SLC4A4: variants seen among roughly 807,000 people sequenced by gnomAD.
SLC4A4 encodes solute carrier family 4 member 4.
In SLC4A4, 27 loss-of-function variants were observed where a neutral mutation model predicts 111.5. The observed-to-expected ratio is 0.24, with a 90% CI of 0.18 to 0.33. SLC4A4 has a LOEUF of 0.33. Among genes scored for constraint, SLC4A4 ranks in the 10% least tolerant of loss-of-function variants. The probability of loss-of-function intolerance (pLI) is 1.00; values close to 1 mark genes in which losing one functional copy is unlikely to be tolerated. For synonymous variants in SLC4A4, 443 were observed against 463.4 expected (o/e 0.96, Z 0.57); for missense variants, 909 against 1,315.5 (o/e 0.69, Z 4.78).
chr4:71,243,505 G>A (rs1351526653), intron 2 of SLC4A4, among the ~76,000 whole-genome samples: 1 of 152,104 alleles, frequency 6.6e-6, no homozygotes, highest in African/African-American at 2.4e-5. Context: ...TCATGAGCTT[G>A]CTGGTGAGAT....
chr4:71,113,665 T>C (rs1455221603), intron 2 of SLC4A4, among the ~76,000 whole-genome samples: 1 of 152,186 alleles, frequency 6.6e-6, no homozygotes, highest in Non-Finnish European at 1.5e-5. Context: ...TACAATATAA[T>C]AACCATGTCC....
At chr4:71,169,799 C>T (rs977568864) in intron 2 of SLC4A4, among the ~76,000 whole-genome samples, 1 of 152,104 alleles carries the variant, frequency 6.6e-6, no homozygotes, top group Non-Finnish European at 1.5e-5. Context: ...GAATGAACTT[C>T]CCGGATTCTA....
intron 1 of SLC4A4, among the ~76,000 whole-genome samples, chr4:71,088,102 A>G (rs1742247255): frequency 1.3e-5 from 2 of 152,094 alleles, no homozygotes; most frequent in Non-Finnish European, 2.9e-5. Context: ...TATTGGGTGC[A>G]TATATATTTA....
chr4:71,320,319 A>G (rs1727021238), intron 3 of SLC4A4, among the ~76,000 whole-genome samples: 1 of 151,970 alleles, frequency 6.6e-6, no homozygotes, highest in Non-Finnish European at 1.5e-5. Context: ...GCGTGACCTC[A>G]AGTCTTCCTT....
At chr4:71,404,988 A>AT (rs988651990) in intron 7 of SLC4A4, among the ~76,000 whole-genome samples, 7 of 149,988 alleles carry the variant, frequency 4.7e-5, no homozygotes, top group South Asian at 4.2e-4. Context: ...TATATATATA[A>AT]TTTTTTTTTG....
chr4:71,377,846 A>G (rs1732549615), intron 6 of SLC4A4, among the ~76,000 whole-genome samples: 1 of 152,168 alleles, frequency 6.6e-6, no homozygotes, highest in Non-Finnish European at 1.5e-5. Flanking sequence ...GTCCATTTTC[A>G]TGGTGCTGAT....
chr4:71,228,518 T>C (rs1719191363), intron 1 of SLC4A4, among the ~76,000 whole-genome samples: 2 of 152,218 alleles, frequency 1.3e-5, no homozygotes, highest in South Asian at 2.1e-4. Flanking sequence ...TCTGAAGTGG[T>C]ATAAGCTCAT....
chr4:71,536,167 C>G (rs1734399181), intron 18 of SLC4A4, among the ~76,000 whole-genome samples: 1 of 151,626 alleles, frequency 6.6e-6, no homozygotes, highest in Admixed American at 6.6e-5. Flanking sequence ...AGATGCTAGG[C>G]CATTAAATGG....
In SLC4A4 at chr4:71,557,877, C is replaced by T. The variant is rs1406687998; in HGVS notation, c.2929C>T (p.Pro977Ser). 2.5e-6 allele frequency: 4 copies of T among 1,611,364 alleles called. No individual in the cohort carries two copies. In the African/African-American group the frequency reaches 4.0e-5, roughly 16 times the overall value. Residue 977 changes from proline to serine, a missense_variant, in exon 22 of 26, where the codon CCA becomes TCA. This residue lies in a region of SLC4A4 where 104 missense variants were observed against 219.5 expected (regional missense o/e 0.47). Transcript: ENST00000264485. ...GTCAACGGTGGCTGCTATCATTTTT[C>T]CAGTAATGGTAGGGATTCCTTTAAT... ...LKSTVAAIIF[P>S]VMILALVAVR...
intron 4 of SLC4A4, among the ~76,000 whole-genome samples, chr4:71,340,010 G>A (rs925354726): frequency 6.6e-6 from 1 of 151,486 alleles, no homozygotes; most frequent in Non-Finnish European, 1.5e-5. Context: ...CTGAGCCTAG[G>A]GTTCAAGACC....
intron 6 of SLC4A4, among the ~76,000 whole-genome samples, chr4:71,395,936 G>T (rs372003326): frequency 1.3e-5 from 2 of 152,154 alleles, no homozygotes; most frequent in African/African-American, 4.8e-5. Flanking sequence ...TATTCAGGCA[G>T]AACTTTTACT....
chr4:71,399,413 TC>T (rs2148982210), intron 7 of SLC4A4, among the ~76,000 whole-genome samples: 1 of 151,566 alleles, frequency 6.6e-6, no homozygotes, highest in South Asian at 2.1e-4. Flanking sequence ...GGGTGTACAT[TC>T]CATTCCATTC....
At chr4:71,422,895 G>A (rs1403777808) in intron 7 of SLC4A4, among the ~76,000 whole-genome samples, 4 of 152,096 alleles carry the variant, frequency 2.6e-5, no homozygotes, top group South Asian at 2.1e-4. Context: ...TGAATGGGCA[G>A]AAACTGGAAG....
chr4:71,481,269 T>C (rs1728855921), intron 14 of SLC4A4, among the ~76,000 whole-genome samples: 1 of 151,724 alleles, frequency 6.6e-6, no homozygotes, highest in South Asian at 2.1e-4. Flanking sequence ...AGCAGACAGA[T>C]ATGACCTTAG....
intron 3 of SLC4A4, among the ~76,000 whole-genome samples, chr4:71,308,501 G>C (rs1725869573): frequency 6.6e-6 from 1 of 152,158 alleles, no homozygotes; most frequent in Non-Finnish European, 1.5e-5. Flanking sequence ...GCGGGTGATT[G>C]CTGCATTTCC....
intron 18 of SLC4A4, among the ~76,000 whole-genome samples, chr4:71,536,917 A>T (rs1415511873): frequency 6.6e-6 from 1 of 151,870 alleles, no homozygotes; most frequent in Non-Finnish European, 1.5e-5. Context: ...ATATATACAC[A>T]CATATAATAT....
At chr4:71,508,761 T>A (rs961383883) in intron 16 of SLC4A4, among the ~76,000 whole-genome samples, 1 of 152,114 alleles carries the variant, frequency 6.6e-6, no homozygotes, top group Non-Finnish European at 1.5e-5. Context: ...ACTGTATGAG[T>A]CCAGCTTCAT....
intron 7 of SLC4A4, among the ~76,000 whole-genome samples, chr4:71,411,525 A>G (rs148847682): frequency 6.6e-6 from 1 of 152,270 alleles, no homozygotes; most frequent in East Asian, 1.9e-4. Flanking sequence ...ATTTGCTTCA[A>G]AATTGGAGAA....
intron 18 of SLC4A4, among the ~76,000 whole-genome samples, chr4:71,537,024 A>G (rs1394118024): frequency 6.6e-6 from 1 of 151,374 alleles, no homozygotes; most frequent in Non-Finnish European, 1.5e-5. Context: ...ATCCTTTCTT[A>G]CCACGATCTA....
Sources: gnomAD v4.1 joint callset for allele counts (sites outside exome capture counted in the v4.1 genomes callset) on GRCh38, gnomAD v4.1.1 for gene constraint, gnomAD v4.1.1 regional missense constraint, MANE v1.5 for transcripts, NCBI Gene and HGNC (gene_info 2026-07-23, HGNC 2026-07-21) for gene names.